Variants in RECQL observed in about 807,000 individuals in gnomAD.
RECQL encodes the protein ATP-dependent DNA helicase Q1.
A neutral mutation model predicts 75.8 loss-of-function variants in RECQL; 73 were observed. The observed-to-expected ratio is 0.96, with a 90% CI of 0.80 to 1.17. The LOEUF (loss-of-function observed/expected upper bound fraction) is 1.17. RECQL is among the 50% of genes most tolerant of loss of function. The pLI is 0.00. For synonymous variants in RECQL, 248 were observed against 254.4 expected (o/e 0.97, Z 0.24); for missense variants, 699 against 772.1 (o/e 0.91, Z 1.12).
chr12:21,490,198 C>T lies in RECQL; in HGVS notation c.394+1G>A, dbSNP rs1237988770. On this transcript the variant is annotated splice_donor_variant, in intron 4 of 14. Transcript: ENST00000444129. LOFTEE classifies it high-confidence loss of function. ...TCAAAATTAATTTTTTTAGTACATA[C>T]CATCTGAACATAATGCTGGTAACTG... 3 of 1,595,532 alleles carry T rather than the reference C, an allele frequency of 1.9e-6. No homozygotes were observed. Among genetic ancestry groups the T allele is most frequent in the East Asian group, 4.5e-5 (2 of 44,672 alleles).
At chr12:21,480,471 G>A (rs1943172065) in intron 6 of RECQL, among the ~76,000 whole-genome samples, 1 of 152,060 alleles carries the variant, frequency 6.6e-6, no homozygotes, top group East Asian at 1.9e-4. Context: ...ACTTAGTGGT[G>A]GACTGGATCT....
intron 6 of RECQL, among the ~76,000 whole-genome samples, chr12:21,482,388 G>A (rs763731263): frequency 1.3e-5 from 2 of 152,188 alleles, no homozygotes; most frequent in Non-Finnish European, 2.9e-5. Flanking sequence ...TGAATAGAAA[G>A]TTAATGATAG....
At chr12:21,495,335 G>A (rs377295394) in intron 2 of RECQL, among the ~76,000 whole-genome samples, 11 of 152,312 alleles carry the variant, frequency 7.2e-5, no homozygotes, top group South Asian at 6.2e-4. Flanking sequence ...GGTGGCTCAC[G>A]CCTGTAATCC....
In RECQL at chr12:21,479,904, A is replaced by G. The variant is rs558091146; in HGVS notation, c.701-1935T>C. ...TGGAGGTGGCAGGGAAGAGGGAGAC[A>G]GTGCTGGATTTACCCATTCATCAAT... On this transcript the variant is annotated intron_variant, in intron 6 of 14. Coordinates refer to ENST00000444129, the MANE Select transcript of RECQL (RefSeq NM_002907.4). Among the ~76,000 whole-genome samples, 28 of 152,354 alleles carry G rather than the reference A, an allele frequency of 1.8e-4. No individual in the cohort carries two copies. In the South Asian group the frequency reaches 5.8e-3, roughly 32 times the overall value.
At chr12:21,473,471 T>C in intron 12 of RECQL, 80 bp downstream of exon 12, 1 of 1,032,552 alleles carries the variant, frequency 9.7e-7, no homozygotes, top group South Asian at 1.3e-5. Context: ...CACCTAGTGA[T>C]GCATTTCTCA....
Position 21,501,583 on chromosome 12 carries a change from C to G in RECQL, c.-459G>C, listed in dbSNP as rs535304785. The G allele has an allele frequency of 2.7e-5, 9 of 331,434 alleles. No homozygotes were observed. Among genetic ancestry groups the G allele is most frequent in the African/African-American group, 4.3e-5 (2 of 46,672 alleles). The allele number at this position is 331,434 out of a possible 1,614,324, so 20.5% of individuals were successfully genotyped here. On this transcript the variant is annotated 5_prime_UTR_variant, in exon 1 of 15. Transcript: ENST00000444129. ...CAAAGCACCCAGGCCTCGAGCAGATCTTTCCGCTACTCGGGAGTAAAATCT... is the reference window on the plus strand; with the variant it reads ...CAAAGCACCCAGGCCTCGAGCAGATGTTTCCGCTACTCGGGAGTAAAATCT...
intron 6 of RECQL, among the ~76,000 whole-genome samples, chr12:21,480,300 G>T (rs1381863511): frequency 6.6e-6 from 1 of 152,130 alleles, no homozygotes. Context: ...AATATCACTG[G>T]TTGCTCTGTG....
chr12:21,473,044 G>A (rs566144951), intron 12 of RECQL, among the ~76,000 whole-genome samples: 1 of 152,130 alleles, frequency 6.6e-6, no homozygotes, highest in Non-Finnish European at 1.5e-5. Flanking sequence ...AAAACTTCAT[G>A]TTGATAGTTT....
intron 6 of RECQL, among the ~76,000 whole-genome samples, chr12:21,478,429 T>C (rs953589586): frequency 6.6e-6 from 1 of 152,100 alleles, no homozygotes; most frequent in Non-Finnish European, 1.5e-5. Flanking sequence ...GTGGTAGAAA[T>C]TGCTTACATG....
Position 21,491,850 on chromosome 12 carries a change from C to T in RECQL, c.17-134G>A. Reference sequence around the variant, plus strand: ...AGTAGTATAGCAGAATGGTTATGAGCATGTTTTTGAGTCATATAGACCTAA... The same window carrying T: ...AGTAGTATAGCAGAATGGTTATGAGTATGTTTTTGAGTCATATAGACCTAA... On this transcript the variant is annotated intron_variant, in intron 2 of 14. Transcript: ENST00000444129. The T allele has an allele frequency of 1.0e-5, 8 of 803,090 alleles. No individual in the cohort carries two copies. The South Asian group carries it at 1.6e-4, about 16-fold the overall frequency. The allele number at this position is 803,090 out of a possible 1,614,324, so 49.7% of individuals were successfully genotyped here.
At chr12:21,478,995 C>T (rs1943139703) in intron 6 of RECQL, among the ~76,000 whole-genome samples, 1 of 152,190 alleles carries the variant, frequency 6.6e-6, no homozygotes, top group South Asian at 2.1e-4. Context: ...GAGACCTTTC[C>T]ACGAGCTTCC....
intron 2 of RECQL, among the ~76,000 whole-genome samples, chr12:21,498,493 T>C (rs540424512): frequency 5.9e-5 from 9 of 152,254 alleles, no homozygotes; most frequent in African/African-American, 1.7e-4. Flanking sequence ...GAAAAAGCAA[T>C]AGTTCCATTA....
intron 8 of RECQL, 21 bp downstream of exon 8, chr12:21,476,890 G>C: frequency 1.3e-6 from 2 of 1,543,996 alleles, no homozygotes; most frequent in Non-Finnish European, 1.8e-6. Context: ...TGTCTCCAAA[G>C]TTGGTTTGTT....
chr12:21,475,265 A>C (rs1411595055), intron 10 of RECQL, among the ~76,000 whole-genome samples: 2 of 152,124 alleles, frequency 1.3e-5, no homozygotes, highest in African/African-American at 2.4e-5. Flanking sequence ...AAATTATCTT[A>C]ACACACATAA....
intron 6 of RECQL, among the ~76,000 whole-genome samples, chr12:21,482,161 G>A (rs1454708357): frequency 6.6e-6 from 1 of 151,942 alleles, no homozygotes; most frequent in African/African-American, 2.4e-5. Flanking sequence ...GAAGGTGAAG[G>A]AGTGAGGAAT....
At chr12:21,471,130 CT>C (rs781269434) in intron 13 of RECQL, 32 bp from the exon 14 acceptor site, 2 of 1,536,076 alleles carry the variant, frequency 1.3e-6, no homozygotes, top group Admixed American at 2.4e-5. Flanking sequence ...AATAAGAAAG[CT>C]TTTGAAGGAA....
chr12:21,485,103 A>G (rs926442902), intron 5 of RECQL, among the ~76,000 whole-genome samples: 2 of 151,866 alleles, frequency 1.3e-5, no homozygotes, highest in East Asian at 3.9e-4. Flanking sequence ...AAAACTGATA[A>G]CCAGAGATCA....
chr12:21,473,578 T>C lies in RECQL; in HGVS notation c.1420A>G (p.Met474Val). Residue 474 changes from methionine to valine, a missense_variant, in exon 12 of 15, where the codon ATG becomes GTG. Physicochemically the swap from Met to Val is conservative, Grantham distance 21. This residue lies in a region of RECQL where 669 missense variants were observed against 713.5 expected (regional missense o/e 0.94). Transcript: ENST00000444129. ...EVWNSEACNK[M>V]CDNCCKDSAF... ...CTGTCTTTACAGCAGTTATCGCACA[T>C]TTTGTTACATGCTTCTGAGTTCCAT... The C allele has an allele frequency of 1.9e-6, 3 of 1,612,864 alleles. No individual in the cohort carries two copies. Among genetic ancestry groups the C allele is most frequent in the East Asian group, 2.2e-5 (1 of 44,856 alleles).
chr12:21,485,698 G>A (rs922369280), intron 5 of RECQL, among the ~76,000 whole-genome samples: 2 of 152,000 alleles, frequency 1.3e-5, no homozygotes, highest in African/African-American at 2.4e-5. Context: ...TATGATGTCT[G>A]GAATTTGTTC....
Sources: gnomAD v4.1 joint callset for allele counts (sites outside exome capture counted in the v4.1 genomes callset) on GRCh38, gnomAD v4.1.1 for gene constraint, gnomAD v4.1.1 regional missense constraint, MANE v1.5 for transcripts, NCBI Gene and HGNC (gene_info 2026-07-23, HGNC 2026-07-21) for gene names.